The following TTC9B variants were observed in gnomAD, a reference collection of about 807,000 sequenced individuals.
TTC9B encodes tetratricopeptide repeat protein 9B.
In TTC9B, 12 loss-of-function variants were observed where a neutral mutation model predicts 19.4. The observed-to-expected ratio is 0.62, with a 90% CI of 0.40 to 1.00. The LOEUF (loss-of-function observed/expected upper bound fraction) is 1.00, where lower values mean the gene tolerates loss of function less well. Ranked by LOEUF, TTC9B falls within the 50% of genes least tolerant of loss-of-function variation. The probability of loss-of-function intolerance (pLI) is 0.00; values close to 1 mark genes in which losing one functional copy is unlikely to be tolerated. For synonymous variants in TTC9B, 156 were observed against 158.6 expected (o/e 0.98, Z 0.12); for missense variants, 316 against 345.2 (o/e 0.92, Z 0.67).
At chr19:40,216,998 A>C in intron 2 of TTC9B, 189 bp downstream of exon 2, 1 of 627,196 alleles carries the variant, frequency 1.6e-6, no homozygotes, top group Non-Finnish European at 2.8e-6. Flanking sequence ...ATGGCGGGTG[A>C]AGGGCGGGGT....
rs1160109537 is a variant in TTC9B at position 40,218,002 on chromosome 19, C to T, written c.380G>A (p.Arg127Gln). ...PGPARLSEEQ[R>Q]RLVESTEVEC... The stretch of plus-strand genomic sequence containing the variant: ...CACCTCCGTGCTCTCCACCAGGCGC[C>T]GCTGCTCCTCGCTGAGGCGCGCCGG... The change falls in exon 1 of 3, where the codon CGG (arginine) becomes CAG (glutamine). Residue 127 changes from arginine to glutamine, a missense_variant. Coordinates refer to ENST00000311308, the MANE Select transcript of TTC9B (RefSeq NM_152479.6). The surrounding 1 kb of genome is among the most constrained non-coding windows in gnomAD (Gnocchi z 4.2). 7.4e-6 allele frequency: 11 copies of T among 1,492,336 alleles called. No individual in the cohort carries two copies. The South Asian group carries it at 1.1e-4, about 15-fold the overall frequency. The allele number at this position is 1,492,336 out of a possible 1,614,324, so 92.4% of individuals were successfully genotyped here.
Position 40,218,213 on chromosome 19 carries a change from C to T in TTC9B, c.169G>A (p.Ala57Thr), listed in dbSNP as rs1007449848. The T allele has an allele frequency of 1.1e-5, 18 of 1,570,296 alleles. No individual in the cohort carries two copies. Among genetic ancestry groups the T allele is most frequent in the Non-Finnish European group, 1.5e-5 (17 of 1,163,298 alleles). Residue 57 changes from alanine (A) to threonine (T), a missense_variant, in exon 1 of 3, where the codon GCG (alanine) becomes ACG (threonine). Coordinates refer to ENST00000311308, the MANE Select transcript of TTC9B (RefSeq NM_152479.6). The surrounding 1 kb of genome is among the most constrained non-coding windows in gnomAD (Gnocchi z 4.2). ...TPEPSGSLGAALDSSLRAAVA... is the reference protein window; with the variant it reads ...TPEPSGSLGATLDSSLRAAVA... ...GCGGCACGCAGGCTGCTGTCGAGCG[C>T]CGCGCCCAGGCTCCCCGACGGCTCT...
At chr19:40,217,084 G>A in intron 2 of TTC9B, 103 bp downstream of exon 2, 3 of 1,309,896 alleles carry the variant, frequency 2.3e-6, no homozygotes, top group South Asian at 2.8e-5. Context: ...CGCGGGAGGA[G>A]GGCTCTGCTA....
intron 2 of TTC9B, 142 bp downstream of exon 2, chr19:40,217,045 G>A (rs1050133786): frequency 2.3e-6 from 2 of 876,098 alleles, no homozygotes; most frequent in Admixed American, 2.7e-5. Flanking sequence ...GGAGTAGGTG[G>A]GTGGCGCAGC....
Position 40,216,062 on chromosome 19 carries a change from G to C in TTC9B, c.*101C>G. The C allele has an allele frequency of 1.0e-6, 1 of 968,198 alleles. No individual in the cohort carries two copies. Among genetic ancestry groups the C allele is most frequent in the South Asian group, 1.4e-5 (1 of 71,676 alleles). 60.0% of individuals were successfully genotyped at this position (968,198 alleles called of 1,614,324 possible). ...CCCCCAAGAACACCACACAAGTTATGATCACCAGTGACAAGTGTTTTACCA... is the reference window on the plus strand; with the variant it reads ...CCCCCAAGAACACCACACAAGTTATCATCACCAGTGACAAGTGTTTTACCA... On this transcript the variant is annotated 3_prime_UTR_variant, in exon 3 of 3. Coordinates refer to ENST00000311308, the MANE Select transcript of TTC9B (RefSeq NM_152479.6).
Position 40,218,307 on chromosome 19 carries a change from G to T in TTC9B, c.75C>A (p.Ala25=). The part of the protein sequence containing the change: ...APEPPPRPPP[A]LSPPGSGPGS... ...CTGGGCCCGAGCCCGGTGGGGAGAG[G>T]GCGGGAGGCGGGCGCGGCGGAGGCT... The change falls in exon 1 of 3, where the codon GCC becomes GCA. Residue 25 remains alanine (A), a synonymous_variant. Transcript: ENST00000311308. This position sits in a 1 kb window ranked among gnomAD's most constrained non-coding sequence, Gnocchi z 4.2. The T allele has an allele frequency of 7.3e-7, 1 of 1,377,326 alleles. No individual in the cohort carries two copies. The highest frequency in any genetic ancestry group is 9.3e-7 in the Non-Finnish European group (1 of 1,074,272). The allele number at this position is 1,377,326 out of a possible 1,614,324, so 85.3% of individuals were successfully genotyped here. A position where few individuals can be genotyped will look rare whatever the true frequency, so the allele number is the denominator to read the frequency against.
At chr19:40,217,509 G>T in intron 1 of TTC9B, 140 bp from the exon 2 acceptor site, 1 of 1,122,068 alleles carries the variant, frequency 8.9e-7, no homozygotes, top group Non-Finnish European at 1.2e-6. Flanking sequence ...CAATCCGCTC[G>T]CCTATCGAAA....
Position 40,216,083 on chromosome 19 carries a change from T to G in TTC9B, c.*80A>C. ...TTATGATCACCAGTGACAAGTGTTT[T>G]ACCAACAAACACATGAGTCGGGGGA... On this transcript the variant is annotated 3_prime_UTR_variant, in exon 3 of 3. Transcript: ENST00000311308. 8.5e-7 allele frequency: 1 copy of G among 1,175,672 alleles called. No individual in the cohort carries two copies. The highest frequency in any genetic ancestry group is 1.3e-6 in the Non-Finnish European group (1 of 785,216). 72.8% of individuals were successfully genotyped at this position (1,175,672 alleles called of 1,614,324 possible).
chr19:40,216,570 G>T (rs1209000035), intron 2 of TTC9B: 3 of 435,870 alleles, frequency 6.9e-6, no homozygotes, highest in African/African-American at 6.0e-5. Flanking sequence ...TGTTCTCTCC[G>T]AGCCACTTAA....
chr19:40,217,205 G>C lies in TTC9B; in HGVS notation c.592C>G (p.Arg198Gly), dbSNP rs372036106. The C allele has an allele frequency of 3.8e-5, 61 of 1,612,908 alleles. No homozygotes were observed. The highest frequency in any genetic ancestry group is 6.7e-5 in the Admixed American group (4 of 59,930). Residue 198 changes from arginine to glycine, a missense_variant, in exon 2 of 3, where the codon CGC becomes GGC. Coordinates refer to ENST00000311308, the MANE Select transcript of TTC9B (RefSeq NM_152479.6). ...CACTCACCTGTGGGTTCCCGGCTGCGGGCCTCCTGCAGGTAGCGCAGCGCG... is the reference window on the plus strand; with the variant it reads ...CACTCACCTGTGGGTTCCCGGCTGCCGGCCTCCTGCAGGTAGCGCAGCGCG... ...ARALRYLQEA[R>G]SREPTDTNVL...
chr19:40,217,258 G>T lies in TTC9B; in HGVS notation c.539C>A (p.Ala180Asp). ...NFKATYRAGI[A>D]FYHLGDYARA... ...TGCGTAGTCGCCCAGGTGGTAGAAG[G>T]CAATGCCGGCACGGTAGGTGGCCTT... Residue 180 changes from alanine to aspartate, a missense_variant, in exon 2 of 3, where the codon GCC becomes GAC. By Grantham distance (126) the Ala-to-Asp change is moderately radical. Coordinates refer to ENST00000311308, the MANE Select transcript of TTC9B (RefSeq NM_152479.6). 6.2e-7 allele frequency: 1 copy of T among 1,614,026 alleles called. No individual in the cohort carries two copies. Among genetic ancestry groups the T allele is most frequent in the African/African-American group, 1.3e-5 (1 of 75,054 alleles).
chr19:40,218,069 C>T lies in TTC9B; in HGVS notation c.313G>A (p.Gly105Ser), dbSNP rs1459452887. 2.0e-6 allele frequency: 3 copies of T among 1,537,928 alleles called. No individual in the cohort carries two copies. Among genetic ancestry groups the T allele is most frequent in the Non-Finnish European group, 2.6e-6 (3 of 1,148,564 alleles). ...GGCCCGGGGGCGGGGGCGGGCAGGC[C>T]GCTAGGGCGGGCCCCCTGCGCCGCC... ...LKAAQGARPSGLPAPAPGPTS... is the reference protein window; with the variant it reads ...LKAAQGARPSSLPAPAPGPTS... The change falls in exon 1 of 3, where the codon GGC becomes AGC. Residue 105 changes from glycine to serine, a missense_variant. By Grantham distance (56) the Gly-to-Ser change is moderately conservative. Transcript: ENST00000311308. The surrounding 1 kb of genome is among the most constrained non-coding windows in gnomAD (Gnocchi z 4.2).
chr19:40,217,694 G>C (rs184134416), intron 1 of TTC9B: 41 of 514,910 alleles, frequency 8.0e-5, no homozygotes, highest in African/African-American at 5.9e-4. Context: ...CGTGCGGCCA[G>C]GGGGTGGAAA....
intron 1 of TTC9B, 125 bp from the exon 2 acceptor site, chr19:40,217,494 G>T: frequency 8.1e-7 from 1 of 1,240,448 alleles, no homozygotes; most frequent in Non-Finnish European, 1.1e-6. Flanking sequence ...GGCAACCAGG[G>T]GCGCCAATCC....
At chr19:40,217,159 C>G in intron 2 of TTC9B, 28 bp downstream of exon 2, 1 of 1,596,052 alleles carries the variant, frequency 6.3e-7, no homozygotes, top group South Asian at 1.1e-5. Flanking sequence ...GGGCCCAGCC[C>G]TCACCTCTGC....
rs1973358391 is a variant in TTC9B at position 40,216,094 on chromosome 19, A to G, written c.*69T>C. ...AGTGACAAGTGTTTTACCAACAAAC[A>G]CATGAGTCGGGGGAAGTTACATGGT... On this transcript the variant is annotated 3_prime_UTR_variant, in exon 3 of 3. Transcript: ENST00000311308. 1 of 1,271,160 alleles carries G rather than the reference A, an allele frequency of 7.9e-7. No individual in the cohort carries two copies. Among genetic ancestry groups the G allele is most frequent in the African/African-American group, 1.5e-5 (1 of 68,282 alleles). The allele number at this position is 1,271,160 out of a possible 1,614,324, so 78.7% of individuals were successfully genotyped here. A position where few individuals can be genotyped will look rare whatever the true frequency, so the allele number is the denominator to read the frequency against.
intron 2 of TTC9B, chr19:40,216,750 C>T: frequency 3.3e-6 from 1 of 299,448 alleles, no homozygotes; most frequent in Non-Finnish European, 6.4e-6. Context: ...TTCCTGGCAT[C>T]GTCCACCCGA....
chr19:40,216,900 T>A, intron 2 of TTC9B: 1 of 543,302 alleles, frequency 1.8e-6, no homozygotes, highest in South Asian at 2.3e-5. Context: ...ACTGAGCAGG[T>A]GAATAGGAGA....
At chr19:40,217,930 A>AAAC in intron 1 of TTC9B, 25 bp downstream of exon 1, 1 of 702,574 alleles carries the variant, frequency 1.4e-6, no homozygotes, top group Non-Finnish European at 1.8e-6. Context: ...CTCGTGCCCC[A>AAAC]TCCCCCCACC....
Sources: gnomAD v4.1 joint callset for allele counts on GRCh38, gnomAD v4.1.1 for gene constraint, Gnocchi (gnomAD v3.1) non-coding constraint, MANE v1.5 for transcripts, NCBI Gene and HGNC (gene_info 2026-07-23, HGNC 2026-07-21) for gene names.